The following TBCEL variants were observed in gnomAD, a reference collection of about 807,000 sequenced individuals.
TBCEL encodes the protein tubulin folding cofactor E like, also known as tubulin-specific chaperone cofactor E-like protein.
Under a neutral mutation model 44.2 loss-of-function variants are expected in TBCEL, and 15 were observed. That is an observed-to-expected ratio of 0.34 (90% CI 0.23 to 0.52). The LOEUF is 0.52. TBCEL is among the 20% of genes least tolerant of loss of function. The pLI is 0.95. For missense variants in TBCEL, 319 were observed against 506.3 expected (o/e 0.63, Z 3.55); for synonymous variants, 171 against 185.4 (o/e 0.92, Z 0.63).
chr11:121,081,132 A>AAACAC (rs1472680640), intron 8 of TBCEL, among the ~76,000 whole-genome samples: 1 of 152,150 alleles, frequency 6.6e-6, no homozygotes, highest in Non-Finnish European at 1.5e-5. Flanking sequence ...AAGGGGGAAA[A>AAACAC]AACACACCAG....
Position 121,087,158 on chromosome 11 carries a change from TGTG to T in TBCEL, c.*65_*67del. 6.7e-7 allele frequency: 1 copy of T among 1,483,304 alleles called. No individual in the cohort carries two copies. Among genetic ancestry groups the T allele is most frequent in the African/African-American group, 1.4e-5 (1 of 71,002 alleles). 91.9% of individuals were successfully genotyped at this position (1,483,304 alleles called of 1,614,324 possible). A position where few individuals can be genotyped will look rare whatever the true frequency, so the allele number is the denominator to read the frequency against. ...CTTGTTGCAGGGCATTTGTTTTTAA[TGTG>T]GTTTTCTTTAGGAGGGAGAGGTTGT... On this transcript the variant is annotated 3_prime_UTR_variant, in exon 9 of 9. Transcript: ENST00000683345.
intron 6 of TBCEL, among the ~76,000 whole-genome samples, chr11:121,057,872 C>G (rs987238923): frequency 9.2e-5 from 14 of 151,920 alleles, no homozygotes; most frequent in Non-Finnish European, 1.6e-4. Context: ...TATTTAGTTT[C>G]TGGTTCTGTT....
chr11:121,035,492 C>T (rs1385024513), intron 1 of TBCEL: 1 of 148,528 alleles, frequency 6.7e-6, no homozygotes, highest in African/African-American at 2.5e-5. Context: ...TTTTTAATGA[C>T]CTGCAGACTT....
chr11:121,078,387 C>G (rs1290995241), intron 8 of TBCEL, among the ~76,000 whole-genome samples: 1 of 152,144 alleles, frequency 6.6e-6, no homozygotes, highest in African/African-American at 2.4e-5. Context: ...GCATTTGCCT[C>G]TAAGCAGCTC....
At chr11:121,045,652 A>T in intron 2 of TBCEL, 22 bp from the exon 3 acceptor site, 4 of 1,533,390 alleles carry the variant, frequency 2.6e-6, no homozygotes, top group Non-Finnish European at 3.5e-6. Context: ...ACATAATTTG[A>T]TTATTTCTTG....
chr11:121,065,331 C>G (rs1945800856), intron 8 of TBCEL, among the ~76,000 whole-genome samples: 1 of 152,058 alleles, frequency 6.6e-6, no homozygotes, highest in Non-Finnish European at 1.5e-5. Context: ...TTTCATTTGC[C>G]AGGGGAAGAG....
intron 2 of TBCEL, among the ~76,000 whole-genome samples, chr11:121,040,050 C>A (rs901083755): frequency 1.3e-5 from 2 of 152,180 alleles, no homozygotes; most frequent in Non-Finnish European, 2.9e-5. Context: ...AATTAATGCA[C>A]ATTTGAATTA....
At chr11:121,024,769 G>A (rs1394457492) in intron 1 of TBCEL, among the ~76,000 whole-genome samples, 1 of 152,192 alleles carries the variant, frequency 6.6e-6, no homozygotes, top group Non-Finnish European at 1.5e-5. Flanking sequence ...AGGTTTGCTG[G>A]GGGAAGGACG....
At chr11:121,081,987 A>G (rs937445434) in intron 8 of TBCEL, among the ~76,000 whole-genome samples, 2 of 152,250 alleles carry the variant, frequency 1.3e-5, no homozygotes, top group Admixed American at 6.5e-5. Context: ...ATTGATTTTA[A>G]GATTTAAACA....
intron 8 of TBCEL, 25 bp downstream of exon 8, chr11:121,060,110 C>T (rs577258957): frequency 2.3e-5 from 36 of 1,542,332 alleles, no homozygotes; most frequent in Admixed American, 1.5e-4. Context: ...ATTGGCCAAA[C>T]ACTTTAGAGG....
intron 8 of TBCEL, among the ~76,000 whole-genome samples, chr11:121,069,481 A>T (rs1945884433): frequency 6.6e-6 from 1 of 152,142 alleles, no homozygotes; most frequent in Non-Finnish European, 1.5e-5. Context: ...CAACAATTTG[A>T]TATGACTAGT....
chr11:121,055,394 A>G (rs2134949401), intron 6 of TBCEL, 86 bp downstream of exon 6: 1 of 1,355,926 alleles, frequency 7.4e-7, no homozygotes, highest in Non-Finnish European at 9.6e-7. Flanking sequence ...TCTTTCAGTC[A>G]CAGTTTTACC....
intron 6 of TBCEL, chr11:121,057,386 G>C (rs1016307381): frequency 6.6e-6 from 2 of 303,760 alleles, no homozygotes; most frequent in African/African-American, 4.5e-5. Flanking sequence ...TATTGACTTG[G>C]AGAATACATT....
rs1305007653 is a variant in TBCEL, at chr11:121,090,275, A to G, written c.*3179A>G. On this transcript the variant is annotated 3_prime_UTR_variant, in exon 9 of 9. Transcript: ENST00000683345. ...GCTATGTTACTCAACCAGCAGTGGT[A>G]GGAGCAGAGAGCACTTGCACTAAGA... The G allele has an allele frequency of 6.6e-6, 1 of 152,196 alleles. No individual in the cohort carries two copies. Among genetic ancestry groups the G allele is most frequent in the Non-Finnish European group, 1.5e-5 (1 of 68,016 alleles). The allele number at this position is 152,196 out of a possible 1,614,324, so 9.4% of individuals were successfully genotyped here. A position where few individuals can be genotyped will look rare whatever the true frequency, so the allele number is the denominator to read the frequency against.
intron 6 of TBCEL, among the ~76,000 whole-genome samples, chr11:121,057,158 A>G (rs1009200518): frequency 6.6e-6 from 1 of 151,812 alleles, no homozygotes; most frequent in African/African-American, 2.4e-5. Context: ...TGGAAATGCC[A>G]TTCTAAGGGA....
In TBCEL at chr11:121,089,788, T is replaced by C. The variant is rs941464074; in HGVS notation, c.*2692T>C. 1.3e-5 allele frequency: 2 copies of C among 152,186 alleles called. No individual in the cohort carries two copies. 9.4% of individuals were successfully genotyped at this position (152,186 alleles called of 1,614,324 possible). On this transcript the variant is annotated 3_prime_UTR_variant, in exon 9 of 9. Coordinates refer to ENST00000683345, the MANE Select transcript of TBCEL (RefSeq NM_001363644.2). ...GACATTATGAGGCAAAATGCTGTCA[T>C]AGCCAGTATTACTGATATGTTGCTA...
At chr11:121,065,105 T>C (rs945014752) in intron 8 of TBCEL, among the ~76,000 whole-genome samples, 5 of 152,112 alleles carry the variant, frequency 3.3e-5, no homozygotes, top group Admixed American at 1.3e-4. Context: ...GGATTATAGG[T>C]GTGAGCCATT....
rs531507544 is a variant in TBCEL, at chr11:121,079,962, A to G, written c.957-6816A>G. The stretch of plus-strand genomic sequence containing the variant: ...CCTGAGTAGGTGGGATTACAGGCGC[A>G]CACCACCACGTCTGGCTATTTTTTT... On this transcript the variant is annotated intron_variant, in intron 8 of 8. Coordinates refer to ENST00000683345, the MANE Select transcript of TBCEL (RefSeq NM_001363644.2). 3.3e-5 allele frequency among the ~76,000 whole-genome samples: 5 copies of G among 152,128 alleles called. No homozygotes were observed. In the South Asian group the frequency reaches 1.0e-3, roughly 32 times the overall value.
intron 2 of TBCEL, among the ~76,000 whole-genome samples, chr11:121,039,294 A>T (rs560512783): frequency 6.6e-6 from 1 of 152,358 alleles, no homozygotes; most frequent in South Asian, 2.1e-4. Context: ...TTTATCTTTC[A>T]AAATGGCTCA....
Sources: gnomAD v4.1 joint callset for allele counts (sites outside exome capture counted in the v4.1 genomes callset) on GRCh38, gnomAD v4.1.1 for gene constraint, MANE v1.5 for transcripts, NCBI Gene and HGNC (gene_info 2026-07-23, HGNC 2026-07-21) for gene names.